Variants in TMPRSS15 observed in about 807,000 individuals in gnomAD.
TMPRSS15 encodes the protein transmembrane serine protease 15, also known as enteropeptidase.
In TMPRSS15, 128 loss-of-function variants were observed where a neutral mutation model predicts 125.3. The ratio of observed to expected loss-of-function variants is 1.02; its 90% CI spans 0.89 to 1.18. The LOEUF (loss-of-function observed/expected upper bound fraction) is 1.18, where lower values mean the gene tolerates loss of function less well. TMPRSS15 is among the 50% of genes most tolerant of loss of function. The pLI, the probability that TMPRSS15 is intolerant of heterozygous loss-of-function variation, is 0.00. For missense variants in TMPRSS15, 1,283 were observed against 1,212.7 expected (o/e 1.06, Z -0.86); for synonymous variants, 446 against 423.2 (o/e 1.05, Z -0.66).
chr21:18,469,441 T>G (rs1978733962), intron 1 of TMPRSS15, among the ~76,000 whole-genome samples: 1 of 152,144 alleles, frequency 6.6e-6, no homozygotes, highest in South Asian at 2.1e-4. Flanking sequence ...ATATGCTCTG[T>G]TTTTTAGGAT....
At chr21:18,338,377 T>G (rs1440549896) in intron 13 of TMPRSS15, among the ~76,000 whole-genome samples, 5 of 152,110 alleles carry the variant, frequency 3.3e-5, no homozygotes, top group Admixed American at 3.3e-4. Context: ...GATTGAAATA[T>G]CAAAATAGCA....
chr21:18,350,460 T>C (rs990017783), intron 10 of TMPRSS15, among the ~76,000 whole-genome samples: 18 of 152,132 alleles, frequency 1.2e-4, no homozygotes, highest in African/African-American at 4.3e-4. Flanking sequence ...TCATGACCTC[T>C]TCTCTAGTTA....
chr21:18,474,641 T>C (rs947936839), intron 1 of TMPRSS15, among the ~76,000 whole-genome samples: 2 of 152,172 alleles, frequency 1.3e-5, no homozygotes, highest in Non-Finnish European at 2.9e-5. Flanking sequence ...GCAAGGTGGC[T>C]GTTATGATCA....
intron 1 of TMPRSS15, among the ~76,000 whole-genome samples, chr21:18,456,302 G>A (rs1033871993): frequency 6.6e-6 from 1 of 152,070 alleles, no homozygotes; most frequent in Non-Finnish European, 1.5e-5. Flanking sequence ...ATTGTCTAAT[G>A]TCAGCGTTTC....
Position 18,383,705 on chromosome 21 carries a change from GTTC to G in TMPRSS15, c.415_417del (p.Glu139del), listed in dbSNP as rs758791400. Reference sequence around the variant, plus strand: ...TTATTTGCTTCAAGGCCTTGAATCAGTTCTTCTTTTACATTTTCATCTGACACC... The same window carrying G: ...TTATTTGCTTCAAGGCCTTGAATCAGTTCTTTTACATTTTCATCTGACACC... On this transcript the variant is annotated inframe_deletion, in exon 4 of 25. Coordinates refer to ENST00000284885, the MANE Select transcript of TMPRSS15 (RefSeq NM_002772.3). 6 of 1,613,818 alleles carry G rather than the reference GTTC, an allele frequency of 3.7e-6. No individual in the cohort carries two copies. Among genetic ancestry groups the G allele is most frequent in the African/African-American group, 1.3e-5 (1 of 74,928 alleles).
chr21:18,454,427 A>C (rs1225323685), intron 1 of TMPRSS15, among the ~76,000 whole-genome samples: 3 of 152,164 alleles, frequency 2.0e-5, no homozygotes, highest in Non-Finnish European at 2.9e-5. Context: ...ATATAGAGAT[A>C]TATAAAAGGA....
At chr21:18,292,555 A>C (rs1209919843) in intron 21 of TMPRSS15, among the ~76,000 whole-genome samples, 1 of 152,230 alleles carries the variant, frequency 6.6e-6, no homozygotes, top group African/African-American at 2.4e-5. Flanking sequence ...TGTAAAATAG[A>C]TAATTGAAAG....
At chr21:18,471,929 G>C (rs771420622) in intron 1 of TMPRSS15, among the ~76,000 whole-genome samples, 1 of 152,268 alleles carries the variant, frequency 6.6e-6, no homozygotes, top group East Asian at 1.9e-4. Context: ...GATGAGGTGA[G>C]GGTGAAGAGC....
At chr21:18,276,750 G>A (rs964876274) in intron 23 of TMPRSS15, among the ~76,000 whole-genome samples, 1 of 144,726 alleles carries the variant, frequency 6.9e-6, no homozygotes, top group Non-Finnish European at 1.5e-5. Context: ...TTGAAAACTG[G>A]GATTCTTTTT....
At chr21:18,385,531 AG>A (rs1166975058) in intron 3 of TMPRSS15, among the ~76,000 whole-genome samples, 1 of 152,202 alleles carries the variant, frequency 6.6e-6, no homozygotes, top group Non-Finnish European at 1.5e-5. Context: ...AGCTCACAGT[AG>A]ATTACCACCC....
rs747444506 is a variant in TMPRSS15, at chr21:18,344,112, G to T, written c.1172-52C>A. ...TTCACTTAAATATTGCATTTTCATT[G>T]TGTGACAAGTAGACTTTGTAAGCAG... On this transcript the variant is annotated intron_variant, in intron 10 of 24. Transcript: ENST00000284885. The T allele has an allele frequency of 2.8e-6, 4 of 1,428,584 alleles. No individual in the cohort carries two copies. In the South Asian group the frequency reaches 4.6e-5, roughly 16 times the overall value. 88.5% of individuals were successfully genotyped at this position (1,428,584 alleles called of 1,614,324 possible).
rs910880206 is a variant in TMPRSS15, at chr21:18,402,534, A to AAT, written c.145+943_145+944insAT. Among the ~76,000 whole-genome samples the AAT allele has an allele frequency of 2.4e-4, 36 of 150,104 alleles. 1 individual carries two copies. Among genetic ancestry groups the AAT allele is most frequent in the African/African-American group, 8.7e-4 (36 of 41,380 alleles). On this transcript the variant is annotated intron_variant, in intron 1 of 24. Transcript: ENST00000284885. ...CAGAGCGAGACTCTATCTCAAAAAA[A>AAT]AAAAAAAAAAAGAGAGAATTTATAT... is the stretch of plus-strand genomic sequence containing the variant.
intron 19 of TMPRSS15, 132 bp from the exon 20 acceptor site, chr21:18,294,784 A>G: frequency 1.3e-6 from 1 of 789,038 alleles, no homozygotes; most frequent in Admixed American, 2.2e-5. Context: ...ATGTAGGGAG[A>G]CTGAATTGTA....
chr21:18,463,721 C>A (rs1601471541), intron 1 of TMPRSS15, among the ~76,000 whole-genome samples: 1 of 152,146 alleles, frequency 6.6e-6, no homozygotes, highest in East Asian at 1.9e-4. Context: ...TCAGCAAATG[C>A]AAAAGAATGG....
intron 5 of TMPRSS15, among the ~76,000 whole-genome samples, chr21:18,374,526 A>G (rs965102477): frequency 6.6e-6 from 1 of 151,592 alleles, no homozygotes; most frequent in Non-Finnish European, 1.5e-5. Context: ...TATATGAGAA[A>G]CAGATGAGTC....
In TMPRSS15 at chr21:18,283,287, G is replaced by A. The variant is rs1271539624; in HGVS notation, c.2487-2066C>T. Among the ~76,000 whole-genome samples the A allele has an allele frequency of 4.6e-5, 7 of 152,116 alleles. No homozygotes were observed. In the South Asian group the frequency reaches 1.2e-3, roughly 27 times the overall value. On this transcript the variant is annotated intron_variant, in intron 21 of 24. Transcript: ENST00000284885. ...AAGTATATTTCCTAAAGCTCAACTG[G>A]TCAGTTTTCACTTGAGTAGCCTGCC...
chr21:18,448,302 A>G lies in TMPRSS15; in HGVS notation c.10+37497T>C, dbSNP rs535816973. Among the ~76,000 whole-genome samples the G allele has an allele frequency of 2.1e-3, 325 of 152,326 alleles. 2 individuals are homozygous for G. Among genetic ancestry groups the G allele is most frequent in the Non-Finnish European group, 3.5e-3 (236 of 68,006 alleles). On this transcript the variant is annotated intron_variant, in intron 1 of 7. Coordinates refer to the TMPRSS15 transcript ENST00000422787. ...TGTGTCTAATTGATGTTACAAATCA[A>G]TACAATTTACTAAAGAAGAGTCACT...
In TMPRSS15 at chr21:18,398,119, G is replaced by T. The variant is rs2076056839; in HGVS notation, c.276+80C>A. On this transcript the variant is annotated intron_variant, in intron 2 of 24. Transcript: ENST00000284885. ...GGCATATTACATTTATTCTCTAGTTGTTTCACAGTGAGAAAATGGTGTTTT... is the reference window on the plus strand; with the variant it reads ...GGCATATTACATTTATTCTCTAGTTTTTTCACAGTGAGAAAATGGTGTTTT... The T allele has an allele frequency of 2.6e-6, 4 of 1,514,524 alleles. No homozygotes were observed. In the South Asian group the frequency reaches 3.4e-5, roughly 13 times the overall value. 93.8% of individuals were successfully genotyped at this position (1,514,524 alleles called of 1,614,324 possible).
intron 18 of TMPRSS15, 62 bp downstream of exon 18, chr21:18,312,883 A>T: frequency 1.3e-6 from 2 of 1,595,918 alleles, no homozygotes; most frequent in Non-Finnish European, 1.7e-6. Context: ...TATTAAACCT[A>T]ATTTGATAGT....
Sources: gnomAD v4.1 joint callset for allele counts (sites outside exome capture counted in the v4.1 genomes callset) on GRCh38, gnomAD v4.1.1 for gene constraint, MANE v1.5 for transcripts, NCBI Gene and HGNC (gene_info 2026-07-23, HGNC 2026-07-21) for gene names.